The following SEMA3A variants were observed in gnomAD, a reference collection of about 807,000 sequenced individuals.
The protein encoded by SEMA3A is semaphorin 3A.
Under a neutral mutation model 97.9 loss-of-function variants are expected in SEMA3A, and 29 were observed. The observed-to-expected ratio is 0.30, with a 90% CI of 0.22 to 0.40. The LOEUF is 0.40. Among genes scored for constraint, SEMA3A ranks in the 10% least tolerant of loss-of-function variants. The probability of loss-of-function intolerance (pLI) is 1.00; values close to 1 mark genes in which losing one functional copy is unlikely to be tolerated. For synonymous variants in SEMA3A, 321 were observed against 323.7 expected, an observed-to-expected ratio of 0.99 and a Z score of 0.09; for missense variants, 763 against 951.3, an observed-to-expected ratio of 0.80 and a Z score of 2.60.
At chr7:84,304,282 T>C (rs891057500) in intron 3 of SEMA3A, among the ~76,000 whole-genome samples, 4 of 152,252 alleles carry the variant, frequency 2.6e-5, no homozygotes, top group Admixed American at 1.3e-4. Flanking sequence ...AAGGGCTGAA[T>C]AGTAAATATC....
chr7:84,299,288 CTA>C (rs3077892), intron 3 of SEMA3A, among the ~76,000 whole-genome samples: 3 of 127,394 alleles, frequency 2.4e-5, no homozygotes, highest in Non-Finnish European at 3.1e-5. Flanking sequence ...ATATATATAT[CTA>C]TCTCCATATA....
At chr7:84,278,051 T>G (rs645226) in intron 3 of SEMA3A, among the ~76,000 whole-genome samples, 104,952 of 151,848 alleles carry the variant, frequency 0.69, 36,419 homozygotes, top group East Asian at 0.79. Flanking sequence ...TATTTCCTCC[T>G]GCATATGAGT....
intron 3 of SEMA3A, among the ~76,000 whole-genome samples, chr7:84,295,491 G>A (rs904403466): frequency 8.6e-5 from 13 of 151,912 alleles, no homozygotes; most frequent in East Asian, 1.9e-4. Context: ...AACTGTCTTC[G>A]CAGGTCTCAA....
chr7:84,396,966 A>G (rs1399449790), intron 1 of SEMA3A, among the ~76,000 whole-genome samples: 2 of 152,048 alleles, frequency 1.3e-5, no homozygotes, highest in East Asian at 1.9e-4. Context: ...TCAATATCCA[A>G]TGTAAGCTAA....
chr7:84,489,267 G>GC (rs753583624), intron 1 of SEMA3A: 3 of 151,900 alleles, frequency 2.0e-5, no homozygotes, highest in East Asian at 3.9e-4. Context: ...GGGGGAAACC[G>GC]CCCCCATGAT....
chr7:84,090,864 C>G (rs550129861), intron 4 of SEMA3A, among the ~76,000 whole-genome samples: 41 of 151,466 alleles, frequency 2.7e-4, no homozygotes, highest in African/African-American at 9.9e-4. Flanking sequence ...GCCAGGGGTT[C>G]AAGACCAGCC....
At chr7:84,077,880 G>C (rs1476527052) in intron 4 of SEMA3A, among the ~76,000 whole-genome samples, 1 of 151,926 alleles carries the variant, frequency 6.6e-6, no homozygotes, top group Non-Finnish European at 1.5e-5. Flanking sequence ...GGTGAACTCA[G>C]TATTTAAAAT....
At chr7:84,038,377 A>C (rs1023104791) in intron 6 of SEMA3A, among the ~76,000 whole-genome samples, 4 of 152,168 alleles carry the variant, frequency 2.6e-5, no homozygotes, top group African/African-American at 9.7e-5. Flanking sequence ...CATTCATTAA[A>C]ATTCTTACAC....
chr7:84,174,708 TAAAG>T (rs1439026472), intron 1 of SEMA3A, among the ~76,000 whole-genome samples: 1 of 152,196 alleles, frequency 6.6e-6, no homozygotes, highest in Non-Finnish European at 1.5e-5. Flanking sequence ...ATGTATTAAA[TAAAG>T]AGATAGAACA....
chr7:84,005,731 T>G (rs951125333), intron 10 of SEMA3A, among the ~76,000 whole-genome samples, 173 bp from the exon 11 acceptor site: 3 of 152,092 alleles, frequency 2.0e-5, no homozygotes, highest in Non-Finnish European at 2.9e-5. Context: ...GTGGATCACT[T>G]GAGGCCAGGA....
chr7:84,376,042 A>G (rs1032687374), intron 1 of SEMA3A, among the ~76,000 whole-genome samples: 1 of 152,190 alleles, frequency 6.6e-6, no homozygotes, highest in African/African-American at 2.4e-5. Flanking sequence ...TTTATGGCTG[A>G]ATAACATTCC....
chr7:84,188,690 T>A lies in SEMA3A; in HGVS notation c.112+5785A>T, dbSNP rs74951867. Reference sequence around the variant, plus strand: ...GAATCTCTGCTTCCATCATTCTAATTGTTTAGTACCATTGTTTCATTCACT... The same window carrying A: ...GAATCTCTGCTTCCATCATTCTAATAGTTTAGTACCATTGTTTCATTCACT... On this transcript the variant is annotated intron_variant, in intron 1 of 16. Transcript: ENST00000265362. Among the ~76,000 whole-genome samples the A allele has an allele frequency of 6.8e-3, 1,026 of 151,988 alleles. 49 individuals are homozygous for A. In the East Asian group the frequency reaches 0.13, roughly 19 times the overall value.
intron 2 of SEMA3A, among the ~76,000 whole-genome samples, chr7:84,337,435 G>T (rs1469342713): frequency 6.6e-6 from 1 of 152,094 alleles, no homozygotes; most frequent in Non-Finnish European, 1.5e-5. Context: ...CATACTCAAA[G>T]AAGACAGGTA....
At chr7:83,965,719 C>T (rs1788669901) in intron 15 of SEMA3A, among the ~76,000 whole-genome samples, 1 of 95,110 alleles carries the variant, frequency 1.1e-5, no homozygotes, top group Non-Finnish European at 1.9e-5. Flanking sequence ...CTTACTCTGT[C>T]TCCCAGGCTG....
intron 1 of SEMA3A, among the ~76,000 whole-genome samples, chr7:84,395,354 A>G (rs1803698625): frequency 1.5e-5 from 2 of 129,108 alleles, no homozygotes; most frequent in African/African-American, 3.6e-5. Flanking sequence ...CAAGAAACCC[A>G]TAGGAAAAAA....
At chr7:84,027,966 G>C (rs1197411163) in intron 6 of SEMA3A, among the ~76,000 whole-genome samples, 1 of 152,168 alleles carries the variant, frequency 6.6e-6, no homozygotes, top group African/African-American at 2.4e-5. Flanking sequence ...TTTTCTAAAA[G>C]TGTGTTATTG....
At chr7:84,157,914 G>A (rs1221859563) in intron 1 of SEMA3A, among the ~76,000 whole-genome samples, 5 of 152,044 alleles carry the variant, frequency 3.3e-5, no homozygotes, top group African/African-American at 1.2e-4. Context: ...TTCGTACCAT[G>A]TTTCCCTTTA....
chr7:84,203,465 T>G (rs1798402942), intron 3 of SEMA3A, among the ~76,000 whole-genome samples: 2 of 145,048 alleles, frequency 1.4e-5, no homozygotes, highest in African/African-American at 5.0e-5. Flanking sequence ...ATCTCCTAGT[T>G]TTAACAGTTT....
At chr7:83,991,912 T>TA (rs1789960779) in intron 12 of SEMA3A, among the ~76,000 whole-genome samples, 1 of 148,154 alleles carries the variant, frequency 6.7e-6, no homozygotes, top group African/African-American at 2.5e-5. Flanking sequence ...TTCCTCCTTG[T>TA]ACCTCTGTTA....
Sources: gnomAD v4.1 joint callset for allele counts (sites outside exome capture counted in the v4.1 genomes callset) on GRCh38, gnomAD v4.1.1 for gene constraint, MANE v1.5 for transcripts, NCBI Gene and HGNC (gene_info 2026-07-23, HGNC 2026-07-21) for gene names.